The following RAB30 variants were observed in gnomAD, a reference collection of about 807,000 sequenced individuals.
The protein encoded by RAB30 is ras-related protein Rab-30.
Under a neutral mutation model 25.1 loss-of-function variants are expected in RAB30, and 9 were observed. The ratio of observed to expected loss-of-function variants is 0.36; its 90% CI spans 0.22 to 0.63. The LOEUF (loss-of-function observed/expected upper bound fraction) is 0.63, where lower values mean the gene tolerates loss of function less well. Among genes scored for constraint, RAB30 ranks in the 20% least tolerant of loss-of-function variants. The pLI is 0.69. For missense variants in RAB30, 140 were observed against 243.5 expected (o/e 0.58, Z 2.83); for synonymous variants, 77 against 86.4 (o/e 0.89, Z 0.60).
intron 1 of RAB30, among the ~76,000 whole-genome samples, chr11:83,014,678 G>GAAAGAAAGAAAGAA (rs1857389450): frequency 6.3e-5 from 9 of 141,914 alleles, no homozygotes; most frequent in Middle Eastern, 3.3e-3. Flanking sequence ...AAGAAAGAAA[G>GAAAGAAAGAAAGAA]AAAGAAAGAA....
At chr11:83,053,696 C>A (rs1312882089) in intron 1 of RAB30, among the ~76,000 whole-genome samples, 1 of 151,950 alleles carries the variant, frequency 6.6e-6, no homozygotes, top group Non-Finnish European at 1.5e-5. Context: ...GATTCTAAAC[C>A]TTATAGATAT....
intron 1 of RAB30, among the ~76,000 whole-genome samples, chr11:83,014,634 A>AAG (rs1555035114): frequency 1.8e-5 from 2 of 112,616 alleles, no homozygotes; most frequent in Non-Finnish European, 3.5e-5. Context: ...AGAAGTAAGA[A>AAG]AAAGAAAGAA....
intron 1 of RAB30, among the ~76,000 whole-genome samples, chr11:83,008,987 T>A (rs1013794605): frequency 2.0e-5 from 3 of 152,154 alleles, no homozygotes; most frequent in African/African-American, 7.2e-5. Flanking sequence ...CCATATACGT[T>A]AGACTCCATC....
chr11:83,058,641 T>C lies in RAB30; in HGVS notation c.-9+13050A>G, dbSNP rs557189320. Among the ~76,000 whole-genome samples, 16 of 152,386 alleles carry C rather than the reference T, an allele frequency of 1.0e-4. 1 individual carries two copies. Among genetic ancestry groups the C allele is most frequent in the African/African-American group, 3.8e-4 (16 of 41,596 alleles). On this transcript the variant is annotated intron_variant, in intron 1 of 4. Transcript: ENST00000527633. Reference sequence around the variant, plus strand: ...ATTTGTCCCATCACTGGTGTAAACGTTGATCACTTAAAGTGGTGTCTGCCT... The same window carrying C: ...ATTTGTCCCATCACTGGTGTAAACGCTGATCACTTAAAGTGGTGTCTGCCT...
At chr11:83,065,262 C>T (rs1858669619) in intron 1 of RAB30, among the ~76,000 whole-genome samples, 1 of 152,074 alleles carries the variant, frequency 6.6e-6, no homozygotes, top group South Asian at 2.1e-4. Flanking sequence ...TGGTGGTGCA[C>T]ACCTGTGGTC....
At chr11:83,034,731 T>C (rs1466490108) in intron 1 of RAB30, 1 of 152,190 alleles carries the variant, frequency 6.6e-6, no homozygotes, top group Non-Finnish European at 1.5e-5. Flanking sequence ...ACTTACTATG[T>C]ATCAGGTGCT....
intron 1 of RAB30, among the ~76,000 whole-genome samples, chr11:83,045,362 C>G (rs563222554): frequency 6.6e-6 from 1 of 152,056 alleles, no homozygotes; most frequent in African/African-American, 2.4e-5. Context: ...AACTCCTGAG[C>G]TAAAACGACC....
chr11:83,043,171 C>T (rs1858164922), intron 1 of RAB30, among the ~76,000 whole-genome samples: 1 of 152,156 alleles, frequency 6.6e-6, no homozygotes. Flanking sequence ...AAGCCTAGGC[C>T]TTAAAAGGCT....
intron 1 of RAB30, among the ~76,000 whole-genome samples, chr11:83,003,973 A>G (rs1235286758): frequency 6.6e-6 from 1 of 152,198 alleles, no homozygotes; most frequent in African/African-American, 2.4e-5. Flanking sequence ...GCTTCACAGT[A>G]ACATAACTTT....
chr11:83,064,120 C>CTTTCT (rs10639993), intron 1 of RAB30, among the ~76,000 whole-genome samples: 62,757 of 151,200 alleles, frequency 0.42, 13,729 homozygotes, highest in African/African-American at 0.56. Flanking sequence ...TATGTTATTT[C>CTTTCT]TTTCTTTTCT....
intron 1 of RAB30, among the ~76,000 whole-genome samples, chr11:83,031,473 T>C (rs940423536): frequency 6.6e-6 from 1 of 152,168 alleles, no homozygotes; most frequent in Non-Finnish European, 1.5e-5. Flanking sequence ...GATGAGATTT[T>C]AGGAGTCAAC....
At chr11:83,049,096 C>T (rs959981517) in intron 1 of RAB30, among the ~76,000 whole-genome samples, 1 of 152,164 alleles carries the variant, frequency 6.6e-6, no homozygotes, top group Non-Finnish European at 1.5e-5. Flanking sequence ...CTATAAAAGT[C>T]CTTGCAAACT....
chr11:83,045,956 G>T (rs1858224474), intron 1 of RAB30, among the ~76,000 whole-genome samples: 1 of 152,112 alleles, frequency 6.6e-6, no homozygotes, highest in Non-Finnish European at 1.5e-5. Context: ...ATCTCTTCAA[G>T]CTCTGGAATA....
chr11:83,051,972 A>G (rs1050278243), intron 1 of RAB30, among the ~76,000 whole-genome samples: 8 of 152,194 alleles, frequency 5.3e-5, no homozygotes, highest in Non-Finnish European at 8.8e-5. Flanking sequence ...TAAATATTCA[A>G]CAATCACCAA....
At chr11:83,024,258 C>T (rs141436935) in intron 1 of RAB30, among the ~76,000 whole-genome samples, 654 of 152,290 alleles carry the variant, frequency 4.3e-3, no homozygotes, top group Non-Finnish European at 6.9e-3. Flanking sequence ...TCTTGTTTTT[C>T]GCTTTCCAAT....
chr11:83,047,960 C>T (rs942719269), intron 1 of RAB30, among the ~76,000 whole-genome samples: 2 of 152,120 alleles, frequency 1.3e-5, no homozygotes, highest in African/African-American at 4.8e-5. Flanking sequence ...TCTAAAGAAG[C>T]AACTTGGGGC....
chr11:83,020,295 C>T (rs1010279596), intron 1 of RAB30, among the ~76,000 whole-genome samples: 1 of 152,252 alleles, frequency 6.6e-6, no homozygotes, highest in Admixed American at 6.5e-5. Flanking sequence ...GCCTCTCCCC[C>T]ACTCCTTATG....
chr11:82,987,615 G>A lies in RAB30; in HGVS notation c.333C>T (p.Ala111=). 6.2e-7 allele frequency: 1 copy of A among 1,613,252 alleles called. No individual in the cohort carries two copies. The part of the protein sequence containing the change: ...PEWLREIEQY[A]SNKVITVLVG... Reference sequence around the variant, plus strand: ...CTAACACAGTGATGACCTTGTTGCTGGCATATTGTTCTATCTCCCGCAGCC... The same window carrying A: ...CTAACACAGTGATGACCTTGTTGCTAGCATATTGTTCTATCTCCCGCAGCC... Residue 111 remains alanine (A), a synonymous_variant, in exon 4 of 5, where the codon GCC becomes GCT. Transcript: ENST00000527633.
At chr11:83,044,855 G>A (rs1858202406) in intron 1 of RAB30, among the ~76,000 whole-genome samples, 1 of 152,104 alleles carries the variant, frequency 6.6e-6, no homozygotes, top group Non-Finnish European at 1.5e-5. Context: ...AATTAAAATG[G>A]CTGTGCAAAA....
Sources: gnomAD v4.1 joint callset for allele counts (sites outside exome capture counted in the v4.1 genomes callset) on GRCh38, gnomAD v4.1.1 for gene constraint, MANE v1.5 for transcripts, NCBI Gene and HGNC (gene_info 2026-07-23, HGNC 2026-07-21) for gene names.